Variants in PRUNE1 observed in about 807,000 individuals in gnomAD.
PRUNE1 encodes the protein exopolyphosphatase PRUNE1.
PRUNE1 carries 25 observed loss-of-function variants against 42.5 expected under a neutral mutation model. The ratio of observed to expected loss-of-function variants is 0.59; its 90% CI spans 0.43 to 0.82. The LOEUF is 0.82. PRUNE1 is among the 40% of genes least tolerant of loss of function. The pLI, the probability that PRUNE1 is intolerant of heterozygous loss-of-function variation, is 0.00. For synonymous variants in PRUNE1, 203 were observed against 217.1 expected, an observed-to-expected ratio of 0.93 and a Z score of 0.57; for missense variants, 443 against 539.3, an observed-to-expected ratio of 0.82 and a Z score of 1.77.
At chr1:151,018,709 A>T (rs1674246866) in intron 3 of PRUNE1, 40 bp downstream of exon 3, 1 of 1,562,848 alleles carries the variant, frequency 6.4e-7, no homozygotes, top group Middle Eastern at 1.7e-4. Flanking sequence ...ATCATGTACC[A>T]TGCTGGGCTC....
In PRUNE1 at chr1:151,032,948, A is replaced by G. The variant is rs1211177252; in HGVS notation, c.934-858A>G. 1.3e-5 allele frequency among the ~76,000 whole-genome samples: 2 copies of G among 149,470 alleles called. 1 individual carries two copies. Among genetic ancestry groups the G allele is most frequent in the East Asian group, 4.0e-4 (2 of 4,990 alleles). ...ACCACCATGTCTGGCTAATTTTTGT[A>G]TTTTTCGTAGAGATGGGGTTTCAGC... is the stretch of plus-strand genomic sequence containing the variant. On this transcript the variant is annotated intron_variant, in intron 7 of 7. Coordinates refer to ENST00000271620, the MANE Select transcript of PRUNE1 (RefSeq NM_021222.3).
Position 151,018,578 on chromosome 1 carries a change from A to G in PRUNE1, c.244A>G (p.Ile82Val). The G allele has an allele frequency of 6.2e-7, 1 of 1,614,082 alleles. No individual in the cohort carries two copies. The highest frequency in any genetic ancestry group is 8.5e-7 in the Non-Finnish European group (1 of 1,179,968). Residue 82 changes from isoleucine (I) to valine (V), a missense_variant, in exon 3 of 8, where the codon ATC becomes GTC. Ile to Val is a conservative substitution (Grantham distance 29). Coordinates refer to ENST00000271620, the MANE Select transcript of PRUNE1 (RefSeq NM_021222.3). ...FLQKVHIPES[I>V]LIFRDEIDLH... ...TCAGAAGGTTCATATTCCAGAGAGT[A>G]TCTTGATTTTTCGGGATGAGATTGA...
At chr1:151,025,783 CAGGCT>C in intron 5 of PRUNE1, 110 bp downstream of exon 5, 1 of 1,141,574 alleles carries the variant, frequency 8.8e-7, no homozygotes, top group Non-Finnish European at 1.2e-6. Context: ...CTCTGCCACC[CAGGCT>C]AGAGTGCAGT....
chr1:151,034,293 T>C lies in PRUNE1; in HGVS notation c.*59T>C. The C allele has an allele frequency of 6.6e-7, 1 of 1,514,188 alleles. No homozygotes were observed. Among genetic ancestry groups the C allele is most frequent in the Non-Finnish European group, 9.0e-7 (1 of 1,111,512 alleles). 93.8% of individuals were successfully genotyped at this position (1,514,188 alleles called of 1,614,324 possible). On this transcript the variant is annotated 3_prime_UTR_variant, in exon 8 of 8. Transcript: ENST00000271620. ...ACCTGACTCACTTCAAATGCATGTT[T>C]TGAGATGTTTGGAGATTCAGCAATT...
Position 151,033,987 on chromosome 1 carries a change from A to G in PRUNE1, c.1115A>G (p.Gln372Arg). ...GACTCCATGAAGATCCCTTCAGGAC[A>G]GCCTGAGACAGCAGATGTGTCCAGG... ...YFDSMKIPSG[Q>R]PETADVSREQ... Residue 372 changes from glutamine (Q) to arginine (R), a missense_variant, in exon 8 of 8, where the codon CAG becomes CGG. By Grantham distance (43) the Gln-to-Arg change is conservative. Transcript: ENST00000271620. The G allele has an allele frequency of 6.2e-7, 1 of 1,614,136 alleles. No individual in the cohort carries two copies. Among genetic ancestry groups the G allele is most frequent in the Non-Finnish European group, 8.5e-7 (1 of 1,179,968 alleles).
chr1:151,018,756 T>C, intron 3 of PRUNE1, 87 bp downstream of exon 3: 1 of 1,306,800 alleles, frequency 7.7e-7, no homozygotes, highest in Non-Finnish European at 1.1e-6. Context: ...GAAAGAGTTT[T>C]TGCTGGCTGG....
chr1:151,020,642 T>C lies in PRUNE1; in HGVS notation c.335+1973T>C, dbSNP rs12094892. 3.5e-3 allele frequency among the ~76,000 whole-genome samples: 528 copies of C among 152,142 alleles called. 3 individuals are homozygous for C. Among genetic ancestry groups the C allele is most frequent in the South Asian group, 8.1e-3 (39 of 4,816 alleles). ...CACAAAAAGTTAGCAAAAGTTTTTC[T>C]ACATAAACTCTTACGATTTTAGAAT... On this transcript the variant is annotated intron_variant, in intron 3 of 7. Transcript: ENST00000271620.
intron 1 of PRUNE1, among the ~76,000 whole-genome samples, chr1:151,012,757 G>A (rs188760144): frequency 2.3e-4 from 35 of 152,126 alleles, no homozygotes; most frequent in African/African-American, 5.1e-4. Context: ...AATTGGTTAC[G>A]ATATTATTCT....
At position 151,029,663 on chromosome 1, in the gene PRUNE1, A is replaced by G. The variant is rs587691406; in HGVS notation, c.933+719A>G. 6.6e-5 allele frequency among the ~76,000 whole-genome samples: 10 copies of G among 151,532 alleles called. No homozygotes were observed. In the South Asian group the frequency reaches 1.0e-3, roughly 16 times the overall value. On this transcript the variant is annotated intron_variant, in intron 7 of 7. Coordinates refer to ENST00000271620, the MANE Select transcript of PRUNE1 (RefSeq NM_021222.3). ...ATTACAGGCGTGAGCCACCGCGCCCAGCCGAGCTGGAAAGTTTGAGTCCAG... is the reference window on the plus strand; with the variant it reads ...ATTACAGGCGTGAGCCACCGCGCCCGGCCGAGCTGGAAAGTTTGAGTCCAG...
intron 6 of PRUNE1, among the ~76,000 whole-genome samples, chr1:151,027,584 A>ATTTTTTTT (rs34162206): frequency 3.2e-4 from 43 of 134,990 alleles, no homozygotes; most frequent in African/African-American, 1.1e-3. Context: ...GTCTTTTTTA[A>ATTTTTTTT]TTTTTTTTTT....
chr1:151,030,399 G>A (rs762560925), intron 7 of PRUNE1, among the ~76,000 whole-genome samples: 8 of 151,932 alleles, frequency 5.3e-5, no homozygotes, highest in South Asian at 4.2e-4. Context: ...GTCCTTTCCC[G>A]CCCCCCTTTG....
intron 7 of PRUNE1, among the ~76,000 whole-genome samples, chr1:151,029,339 T>C (rs587718295): frequency 6.6e-6 from 1 of 150,872 alleles, no homozygotes; most frequent in South Asian, 2.1e-4. Flanking sequence ...GGGAGGCTGA[T>C]GCAGAAGGAT....
intron 7 of PRUNE1, among the ~76,000 whole-genome samples, chr1:151,031,020 G>A (rs1675206716): frequency 1.3e-5 from 2 of 152,042 alleles, no homozygotes; most frequent in South Asian, 4.2e-4. Flanking sequence ...AGTAAGAAAA[G>A]GGTGCTTTGG....
chr1:151,020,839 G>A (rs772738289), intron 3 of PRUNE1, among the ~76,000 whole-genome samples: 3 of 151,928 alleles, frequency 2.0e-5, no homozygotes, highest in East Asian at 1.9e-4. Context: ...AAAATTAGCC[G>A]GGCATGGTGG....
chr1:151,015,365 G>A (rs904144938), intron 1 of PRUNE1, among the ~76,000 whole-genome samples: 9 of 148,174 alleles, frequency 6.1e-5, no homozygotes, highest in Non-Finnish European at 1.0e-4. Context: ...GCCGGGCACG[G>A]TGGCTCATGC....
chr1:151,029,583 A>G (rs371481797), intron 7 of PRUNE1, among the ~76,000 whole-genome samples: 6,981 of 151,464 alleles, frequency 0.046, 206 homozygotes, highest in South Asian at 0.072. Flanking sequence ...TAGCCAGGAT[A>G]GTCTCGATCT....
rs765985084 is a variant in PRUNE1 at position 151,008,628 on chromosome 1, T to A, written c.-5T>A. 2 of 1,614,064 alleles carry A rather than the reference T, an allele frequency of 1.2e-6. No individual in the cohort carries two copies. The highest frequency in any genetic ancestry group is 2.2e-5 in the South Asian group (2 of 91,080). ...CAGGGGCGACGGCGTACTTTGGGCT[T>A]CATCATGGAGGACTACCTGCAGGGT... On this transcript the variant is annotated 5_prime_UTR_variant, in exon 1 of 8. Transcript: ENST00000271620.
At chr1:151,031,683 A>G (rs990733326) in intron 7 of PRUNE1, among the ~76,000 whole-genome samples, 1 of 152,128 alleles carries the variant, frequency 6.6e-6, no homozygotes, top group Non-Finnish European at 1.5e-5. Context: ...AAGTGAGGGT[A>G]ATAGTGATAC....
Position 151,034,380 on chromosome 1 carries a change from TGAAA to T in PRUNE1, c.*152_*155del. The stretch of plus-strand genomic sequence containing the variant: ...CATAAAACTGAGAGGAGAAAAAAAG[TGAAA>T]GAAAGCAGCTGCTTTAAGAATGGTT... On this transcript the variant is annotated 3_prime_UTR_variant, in exon 8 of 8. Coordinates refer to ENST00000271620, the MANE Select transcript of PRUNE1 (RefSeq NM_021222.3). 2 of 838,374 alleles carry T rather than the reference TGAAA, an allele frequency of 2.4e-6. No homozygotes were observed. The highest frequency in any genetic ancestry group is 3.6e-6 in the Non-Finnish European group (2 of 553,614). The allele number at this position is 838,374 out of a possible 1,614,324, so 51.9% of individuals were successfully genotyped here.
Sources: allele counts gnomAD v4.1 joint callset (sites outside exome capture counted in the v4.1 genomes callset), GRCh38; gene constraint gnomAD v4.1.1; transcripts MANE v1.5; gene names NCBI Gene and HGNC (gene_info 2026-07-23, HGNC 2026-07-21).